Variants in PDZRN4 observed in about 807,000 individuals in gnomAD.
The protein encoded by PDZRN4 is PDZ domain containing ring finger 4, also known as PDZ domain-containing RING finger protein 4.
A neutral mutation model predicts 99.0 loss-of-function variants in PDZRN4; 70 were observed. The ratio of observed to expected loss-of-function variants is 0.71; its 90% CI spans 0.58 to 0.86. PDZRN4 has a LOEUF of 0.86. PDZRN4 is among the 40% of genes least tolerant of loss of function. The pLI is 0.00. For missense variants in PDZRN4, 1,474 were observed against 1,331.2 expected, an observed-to-expected ratio of 1.11 and a Z score of -1.67; for synonymous variants, 551 against 501.6, an observed-to-expected ratio of 1.10 and a Z score of -1.32.
At chr12:41,302,718 G>A (rs144480070) in intron 3 of PDZRN4, among the ~76,000 whole-genome samples, 1 of 152,108 alleles carries the variant, frequency 6.6e-6, no homozygotes, top group African/African-American at 2.4e-5. Flanking sequence ...TCACAGCCTT[G>A]TAGAAATGTT....
At chr12:41,210,644 A>C (rs543926599) in intron 3 of PDZRN4, among the ~76,000 whole-genome samples, 4 of 152,010 alleles carry the variant, frequency 2.6e-5, no homozygotes, top group Non-Finnish European at 5.9e-5. Context: ...AACCATGGTG[A>C]AAAGATGTTA....
intron 3 of PDZRN4, among the ~76,000 whole-genome samples, chr12:41,297,447 A>T (rs1951503838): frequency 6.6e-6 from 1 of 152,160 alleles, no homozygotes; most frequent in Non-Finnish European, 1.5e-5. Context: ...CTATGTGTCC[A>T]CAGGAGTGCT....
At chr12:41,352,255 G>C (rs902111649) in intron 3 of PDZRN4, among the ~76,000 whole-genome samples, 1 of 152,014 alleles carries the variant, frequency 6.6e-6, no homozygotes, top group Non-Finnish European at 1.5e-5. Flanking sequence ...AAGAAGCATG[G>C]CTGTGAAAGG....
chr12:41,390,562 C>CAAAAAAAAAAAAAAAA (rs766893966), intron 3 of PDZRN4, among the ~76,000 whole-genome samples: 1 of 101,332 alleles, frequency 9.9e-6, no homozygotes, highest in Non-Finnish European at 2.0e-5. Context: ...AACTCCTAAG[C>CAAAAAAAAAAAAAAAA]AAAAAAAAAA....
At chr12:41,355,124 G>A (rs1212583911) in intron 3 of PDZRN4, among the ~76,000 whole-genome samples, 4 of 152,088 alleles carry the variant, frequency 2.6e-5, no homozygotes, top group South Asian at 2.1e-4. Context: ...TGAAGAGATC[G>A]CTGAGGGCCC....
intron 3 of PDZRN4, among the ~76,000 whole-genome samples, chr12:41,486,702 G>T (rs150035847): frequency 3.3e-5 from 5 of 152,098 alleles, no homozygotes; most frequent in South Asian, 4.1e-4. Flanking sequence ...GTAAGAAAAG[G>T]GGGGAGAGCT....
At position 41,542,013 on chromosome 12, in the gene PDZRN4, CAT is replaced by C. The variant is rs1335677309; in HGVS notation, c.1204-10641_1204-10640del. 4.6e-5 allele frequency among the ~76,000 whole-genome samples: 7 copies of C among 152,164 alleles called. No individual in the cohort carries two copies. The East Asian group carries it at 9.6e-4, about 21-fold the overall frequency. ...TTTAGCTGACTTCCTTTGCTGAAAA[CAT>C]AGCCAACTCAAGAGCATGATAACAG... On this transcript the variant is annotated intron_variant, in intron 5 of 9. Coordinates refer to ENST00000402685, the MANE Select transcript of PDZRN4 (RefSeq NM_001164595.2).
chr12:41,275,473 A>G (rs560827282), intron 3 of PDZRN4, among the ~76,000 whole-genome samples: 3 of 152,208 alleles, frequency 2.0e-5, no homozygotes, highest in Admixed American at 1.3e-4. Context: ...TGTTGGCAGG[A>G]TTTTTGCAGT....
In PDZRN4 at chr12:41,307,610, ATTT is replaced by A. The variant is rs10542756; in HGVS notation, c.843+113436_843+113438del. ...TGAAGAAGGAACTTTGGAGAGCCAG[ATTT>A]TTTTTTTTTTTTTGGTAAACATTTA... On this transcript the variant is annotated intron_variant, in intron 3 of 9. Transcript: ENST00000402685. 1.4e-3 allele frequency among the ~76,000 whole-genome samples: 203 copies of A among 147,204 alleles called. 1 individual carries two copies. Among genetic ancestry groups the A allele is most frequent in the Middle Eastern group, 7.0e-3 (2 of 284 alleles).
intron 3 of PDZRN4, among the ~76,000 whole-genome samples, chr12:41,267,471 A>G (rs1315383206): frequency 6.6e-6 from 1 of 152,156 alleles, no homozygotes; most frequent in Non-Finnish European, 1.5e-5. Flanking sequence ...AGGGTTTTCC[A>G]TCGAATCAGA....
chr12:41,199,720 G>A (rs1408576445), intron 3 of PDZRN4, among the ~76,000 whole-genome samples: 1 of 152,150 alleles, frequency 6.6e-6, no homozygotes, highest in East Asian at 1.9e-4. Context: ...GCGCAACATA[G>A]ATGGAACTAG....
At chr12:41,529,510 T>C (rs1377405459) in intron 5 of PDZRN4, among the ~76,000 whole-genome samples, 1 of 152,240 alleles carries the variant, frequency 6.6e-6, no homozygotes, top group Non-Finnish European at 1.5e-5. Context: ...CACACATTTA[T>C]GCATTTATGC....
At chr12:41,313,875 C>G (rs1951622661) in intron 3 of PDZRN4, among the ~76,000 whole-genome samples, 1 of 152,144 alleles carries the variant, frequency 6.6e-6, no homozygotes, top group African/African-American at 2.4e-5. Flanking sequence ...TTCTCCAAAT[C>G]TTGGTCAATT....
intron 3 of PDZRN4, among the ~76,000 whole-genome samples, chr12:41,270,268 G>A (rs1392278453): frequency 7.8e-6 from 1 of 128,756 alleles, no homozygotes; most frequent in Non-Finnish European, 1.7e-5. Context: ...TATTGTGTGT[G>A]TGTGTGTCTG....
At chr12:41,534,709 C>A (rs543446461) in intron 5 of PDZRN4, among the ~76,000 whole-genome samples, 19 of 152,182 alleles carry the variant, frequency 1.2e-4, no homozygotes, top group Middle Eastern at 6.8e-3. Context: ...CCAAAAAGAT[C>A]TTTTCCCTAG....
At chr12:41,416,623 C>A (rs1355059036) in intron 3 of PDZRN4, among the ~76,000 whole-genome samples, 2 of 152,162 alleles carry the variant, frequency 1.3e-5, no homozygotes, top group African/African-American at 4.8e-5. Flanking sequence ...CACCAATGCA[C>A]TCCAGCCTGG....
chr12:41,554,215 G>A (rs143476327), intron 6 of PDZRN4, among the ~76,000 whole-genome samples: 5 of 152,322 alleles, frequency 3.3e-5, no homozygotes, highest in African/African-American at 1.2e-4. Context: ...GAAGGTAGAA[G>A]TTTAATATTA....
chr12:41,366,804 A>G (rs551311364), intron 3 of PDZRN4, among the ~76,000 whole-genome samples: 1 of 152,296 alleles, frequency 6.6e-6, no homozygotes, highest in East Asian at 1.9e-4. Flanking sequence ...TTATTATAAT[A>G]GAATATATCT....
rs1347183338 is a variant in PDZRN4, at chr12:41,552,720, A to G, written c.1268A>G (p.Asp423Gly). ...KLGLTVCYRT[D>G]DEEDTGIYVS... ...GGCCTGACAGTCTGTTACCGAACAGATGATGAAGAAGACACCGGCATTTAT... is the reference window on the plus strand; with the variant it reads ...GGCCTGACAGTCTGTTACCGAACAGGTGATGAAGAAGACACCGGCATTTAT... Residue 423 changes from aspartate (D) to glycine (G), a missense_variant, in exon 6 of 10, where the codon GAT (aspartate) becomes GGT (glycine). Asp to Gly is a moderately conservative substitution (Grantham distance 94, BLOSUM62 -1). Transcript: ENST00000402685. 1 of 1,613,736 alleles carries G rather than the reference A, an allele frequency of 6.2e-7. No individual in the cohort carries two copies. The highest frequency in any genetic ancestry group is 8.5e-7 in the Non-Finnish European group (1 of 1,179,712).
Sources: gnomAD v4.1 joint callset for allele counts (sites outside exome capture counted in the v4.1 genomes callset) on GRCh38, gnomAD v4.1.1 for gene constraint, MANE v1.5 for transcripts, NCBI Gene and HGNC (gene_info 2026-07-23, HGNC 2026-07-21) for gene names.